NKAIN2: variants seen among roughly 807,000 people sequenced by gnomAD.
NKAIN2 encodes sodium/potassium transporting ATPase interacting 2, also known as sodium/potassium-transporting ATPase subunit beta-1-interacting protein 2.
Under a neutral mutation model 32.6 loss-of-function variants are expected in NKAIN2, and 14 were observed. The observed-to-expected ratio is 0.43, with a 90% CI of 0.28 to 0.67. The LOEUF (loss-of-function observed/expected upper bound fraction) is 0.67. Ranked by LOEUF, NKAIN2 falls within the 30% of genes least tolerant of loss-of-function variation. The pLI is 0.17. For missense variants in NKAIN2, 198 were observed against 258.3 expected (o/e 0.77, Z 1.60); for synonymous variants, 80 against 87.2 (o/e 0.92, Z 0.46).
intron 1 of NKAIN2, among the ~76,000 whole-genome samples, chr6:124,224,175 G>C (rs983519317): frequency 2.6e-5 from 4 of 152,054 alleles, no homozygotes; most frequent in Non-Finnish European, 5.9e-5. Context: ...TTTACGTACA[G>C]TATGCACATA....
intron 1 of NKAIN2, among the ~76,000 whole-genome samples, chr6:124,050,756 A>G (rs923296411): frequency 2.0e-5 from 3 of 152,062 alleles, no homozygotes; most frequent in Non-Finnish European, 2.9e-5. Flanking sequence ...CAATCCAACA[A>G]TGTAATTCAG....
chr6:124,033,100 C>T (rs953239457), intron 1 of NKAIN2, among the ~76,000 whole-genome samples: 2 of 151,768 alleles, frequency 1.3e-5, no homozygotes, highest in Admixed American at 6.6e-5. Flanking sequence ...TTTCTTTTAG[C>T]CAAAATGTAG....
At chr6:124,257,091 G>C (rs146170147) in intron 1 of NKAIN2, among the ~76,000 whole-genome samples, 1 of 151,592 alleles carries the variant, frequency 6.6e-6, no homozygotes, top group Non-Finnish European at 1.5e-5. Flanking sequence ...TAGAGGACAA[G>C]TTTCTACACC....
chr6:123,888,430 C>G (rs986460378), intron 1 of NKAIN2, among the ~76,000 whole-genome samples: 7 of 152,024 alleles, frequency 4.6e-5, no homozygotes, highest in Admixed American at 2.6e-4. Context: ...CATTTTAAGT[C>G]TTAGAAAATG....
chr6:124,688,018 C>G (rs1774072725), intron 4 of NKAIN2, among the ~76,000 whole-genome samples: 1 of 151,900 alleles, frequency 6.6e-6, no homozygotes, highest in Admixed American at 6.6e-5. Context: ...AATTTACTAA[C>G]CATCATTATT....
At chr6:124,294,861 T>C (rs560580796) in intron 2 of NKAIN2, among the ~76,000 whole-genome samples, 1 of 152,278 alleles carries the variant, frequency 6.6e-6, no homozygotes, top group Admixed American at 6.5e-5. Context: ...TGACTAGACC[T>C]GTCATTTTCT....
intron 3 of NKAIN2, among the ~76,000 whole-genome samples, chr6:124,456,683 T>C (rs76981494): frequency 0.024 from 3,581 of 152,046 alleles, 164 homozygotes; most frequent in African/African-American, 0.081. Context: ...ACTTTATTAA[T>C]ATGAGATCTT....
chr6:124,457,770 C>T lies in NKAIN2; in HGVS notation c.273+102423C>T, dbSNP rs151258736. Among the ~76,000 whole-genome samples the T allele has an allele frequency of 9.4e-3, 1,429 of 152,006 alleles. 22 individuals are homozygous for T. Among genetic ancestry groups the T allele is most frequent in the African/African-American group, 0.033 (1,359 of 41,510 alleles). ...ATTCAAAGTGTTATTACTTCCATTG[C>T]CAGGTGCCAAGATGCTGAGGACTCA... On this transcript the variant is annotated intron_variant, in intron 3 of 6. Coordinates refer to ENST00000368417, the MANE Select transcript of NKAIN2 (RefSeq NM_001040214.3).
At chr6:124,759,640 CA>C (rs1562367713) in intron 4 of NKAIN2, among the ~76,000 whole-genome samples, 133 of 130,574 alleles carry the variant, frequency 1.0e-3, no homozygotes, top group African/African-American at 2.9e-3. Flanking sequence ...CACACACACA[CA>C]CACACACACA....
At chr6:124,647,473 T>C in intron 3 of NKAIN2, among the ~76,000 whole-genome samples, 1 of 113,732 alleles carries the variant, frequency 8.8e-6, no homozygotes, top group African/African-American at 3.5e-5. Flanking sequence ...CACTCCAGCC[T>C]GGGCGACAGA....
At chr6:124,506,179 T>A (rs1218415776) in intron 3 of NKAIN2, among the ~76,000 whole-genome samples, 2 of 147,306 alleles carry the variant, frequency 1.4e-5, no homozygotes, top group Non-Finnish European at 3.0e-5. Flanking sequence ...AGACTCCGTC[T>A]AAAAAAAAAA....
At chr6:124,211,809 A>T (rs1791191013) in intron 1 of NKAIN2, among the ~76,000 whole-genome samples, 1 of 152,072 alleles carries the variant, frequency 6.6e-6, no homozygotes, top group African/African-American at 2.4e-5. Flanking sequence ...TTGAACAGAA[A>T]AAGTTAAAAG....
intron 1 of NKAIN2, among the ~76,000 whole-genome samples, chr6:123,887,626 G>A (rs556231535): frequency 1.3e-5 from 2 of 152,190 alleles, no homozygotes; most frequent in African/African-American, 4.8e-5. Context: ...TACATTGAAG[G>A]TGAAAAGCTC....
chr6:123,911,801 G>GTATATATATATATATGTGTATATATATA (rs200270867), intron 1 of NKAIN2, among the ~76,000 whole-genome samples: 4 of 58,398 alleles, frequency 6.8e-5, no homozygotes, highest in African/African-American at 2.9e-4. Flanking sequence ...ATATATATAT[G>GTATATATATATATATGTGTATATATATA]TATATATATA....
intron 1 of NKAIN2, among the ~76,000 whole-genome samples, chr6:123,843,388 TC>T (rs1774958765): frequency 6.6e-6 from 1 of 152,026 alleles, no homozygotes. Flanking sequence ...TGAACCATAG[TC>T]CCCAATGTTC....
At chr6:124,219,203 A>C (rs1200245433) in intron 1 of NKAIN2, among the ~76,000 whole-genome samples, 1 of 152,194 alleles carries the variant, frequency 6.6e-6, no homozygotes, top group African/African-American at 2.4e-5. Flanking sequence ...CCAATTTTAA[A>C]AAATTATATT....
At chr6:124,348,512 G>A (rs1040409133) in intron 2 of NKAIN2, among the ~76,000 whole-genome samples, 5 of 152,212 alleles carry the variant, frequency 3.3e-5, no homozygotes, top group African/African-American at 1.2e-4. Context: ...TGGCTGCTTT[G>A]TTTACCTAAT....
intron 4 of NKAIN2, among the ~76,000 whole-genome samples, chr6:124,671,247 C>T (rs980211119): frequency 8.5e-5 from 13 of 152,074 alleles, no homozygotes; most frequent in African/African-American, 3.1e-4. Context: ...CATTATATCT[C>T]TCCTCCTTTC....
At chr6:123,962,890 T>A (rs528597060) in intron 1 of NKAIN2, among the ~76,000 whole-genome samples, 12 of 152,204 alleles carry the variant, frequency 7.9e-5, no homozygotes, top group Non-Finnish European at 1.8e-4. Flanking sequence ...CAAAACTGTC[T>A]GCAGTTCCTC....
Sources: gnomAD v4.1 joint callset for allele counts (sites outside exome capture counted in the v4.1 genomes callset) on GRCh38, gnomAD v4.1.1 for gene constraint, MANE v1.5 for transcripts, NCBI Gene and HGNC (gene_info 2026-07-23, HGNC 2026-07-21) for gene names.